The following MAN2A2 variants were observed in gnomAD, a reference collection of about 807,000 sequenced individuals.
MAN2A2 encodes the protein mannosidase alpha class 2A member 2.
In MAN2A2, 79 loss-of-function variants were observed where a neutral mutation model predicts 126.8. The observed-to-expected ratio is 0.62, with a 90% CI of 0.52 to 0.75. MAN2A2 has a LOEUF of 0.75. Among genes scored for constraint, MAN2A2 ranks in the 30% least tolerant of loss-of-function variants. The pLI is 0.00. For synonymous variants in MAN2A2, 671 were observed against 618.7 expected (o/e 1.08, Z -1.25); for missense variants, 1,392 against 1,522.4 (o/e 0.91, Z 1.43).
chr15:90,912,764 T>C (rs2034857869), intron 16 of MAN2A2, 100 bp downstream of exon 16: 3 of 1,582,070 alleles, frequency 1.9e-6, no homozygotes. Flanking sequence ...TTGTCTTTCC[T>C]GTTCAGCCCA....
Position 90,905,707 on chromosome 15 carries a change from C to T in MAN2A2, c.519C>T (p.His173=). 2 of 1,614,072 alleles carry T rather than the reference C, an allele frequency of 1.2e-6. No individual in the cohort carries two copies. Among genetic ancestry groups the T allele is most frequent in the Non-Finnish European group, 1.7e-6 (2 of 1,179,992 alleles). ...ACCTGCAGGTGTTTGTGGTGCCCCA[C>T]TCTCACAATGACCCAGGTGAGGGCC... ...AEDLQVFVVP[H]SHNDPGWIKT... The change falls in exon 4 of 23, where the codon CAC becomes CAT. Residue 173 remains histidine (H), a synonymous_variant. Transcript: ENST00000559717.
Position 90,905,832 on chromosome 15 carries a change from A to G in MAN2A2, c.536-13A>G, listed in dbSNP as rs746772386. On this transcript the variant is annotated splice_polypyrimidine_tract_variant and intron_variant, in intron 4 of 22. Transcript: ENST00000559717. The stretch of plus-strand genomic sequence containing the variant: ...TGGTGGCATCCTCAGGGGACCCTAC[A>G]TTGGCTCCCTAGGCTGGATCAAGAC... 24 of 1,574,250 alleles carry G rather than the reference A, an allele frequency of 1.5e-5. No individual in the cohort carries two copies. In the South Asian group the frequency reaches 2.6e-4, roughly 17 times the overall value.
intron 20 of MAN2A2, chr15:90,916,556 C>G (rs1454672120): frequency 7.2e-6 from 10 of 1,398,026 alleles, no homozygotes; most frequent in Non-Finnish European, 7.6e-6. Flanking sequence ...TCCAACCCCG[C>G]TCATCTCATG....
Position 90,907,304 on chromosome 15 carries a change from T to C in MAN2A2, c.1010-5T>C, listed in dbSNP as rs774130620. 2 of 1,612,638 alleles carry C rather than the reference T, an allele frequency of 1.2e-6. No homozygotes were observed. Among genetic ancestry groups the C allele is most frequent in the South Asian group, 1.1e-5 (1 of 91,076 alleles). ...GGTGGTGACCACGTGGTGTGTCTCC[T>C]GCAGACTCGGACTCCAGCACAGACA... is the stretch of plus-strand genomic sequence containing the variant. On this transcript the variant is annotated splice_polypyrimidine_tract_variant and splice_region_variant and intron_variant, in intron 7 of 22. Transcript: ENST00000559717.
chr15:90,902,714 C>G (rs2033933525), upstream of MAN2A2: 1 of 146,924 alleles, frequency 6.8e-6, no homozygotes, highest in African/African-American at 2.5e-5. Flanking sequence ...GCGGGCGGCG[C>G]GGCTGTCCCC....
intron 2 of MAN2A2, 88 bp downstream of exon 2, chr15:90,904,427 C>T (rs551239277): frequency 3.3e-5 from 47 of 1,419,862 alleles, no homozygotes; most frequent in Non-Finnish European, 4.0e-5. Flanking sequence ...TCCCCTCCCA[C>T]CCCCCGCTGG....
rs1032230848 is a variant in MAN2A2, at chr15:90,910,696, T to G, written c.1760+13T>G. 1.9e-6 allele frequency: 3 copies of G among 1,613,116 alleles called. No individual in the cohort carries two copies. Among genetic ancestry groups the G allele is most frequent in the Non-Finnish European group, 2.5e-6 (3 of 1,179,790 alleles). ...ACTATGGGGTCAGGTGGGAGCCTTC[T>G]CTTTTCCCTTGTAAGCTCCCCTGCT... is the stretch of plus-strand genomic sequence containing the variant. On this transcript the variant is annotated intron_variant, in intron 11 of 22. Transcript: ENST00000559717.
chr15:90,910,548 C>T lies in MAN2A2; in HGVS notation c.1625C>T (p.Ser542Phe), dbSNP rs745508288. 1.9e-6 allele frequency: 3 copies of T among 1,614,136 alleles called. No homozygotes were observed. Among genetic ancestry groups the T allele is most frequent in the South Asian group, 2.2e-5 (2 of 91,088 alleles). The change falls in exon 11 of 23, where the codon TCT (serine) becomes TTT (phenylalanine). Residue 542 changes from serine (S) to phenylalanine (F), a missense_variant. Transcript: ENST00000559717. ...YSLAAAHARR[S>F]GLAGRYPLSD... ...CTGGCTGCAGCTCACGCTCGCCGCTCTGGTCTGGCTGGCCGGTACCCACTG... is the reference window on the plus strand; with the variant it reads ...CTGGCTGCAGCTCACGCTCGCCGCTTTGGTCTGGCTGGCCGGTACCCACTG...
At chr15:90,918,565 G>A in intron 21 of MAN2A2, 80 bp from the exon 22 acceptor site, 1 of 1,246,234 alleles carries the variant, frequency 8.0e-7, no homozygotes. Flanking sequence ...TGCCAGCACT[G>A]CCTCTGGGCA....
chr15:90,912,077 TG>T lies in MAN2A2; in HGVS notation c.2147del (p.Gly716AlafsTer198). 1.2e-6 allele frequency: 2 copies of T among 1,612,878 alleles called. No individual in the cohort carries two copies. Among genetic ancestry groups the T allele is most frequent in the Non-Finnish European group, 1.7e-6 (2 of 1,179,804 alleles). ...SVPVRLPALG[L>X]GVLQLQLGLD... The stretch of plus-strand genomic sequence containing the variant: ...CCTGTCCGCCTGCCAGCCCTGGGCC[TG>T]GGCGTGCTGCAGCTACAGCTGGGCC... On this transcript the variant is annotated frameshift_variant, in exon 15 of 23. Coordinates refer to ENST00000559717, the MANE Select transcript of MAN2A2 (RefSeq NM_006122.4). LOFTEE classifies it high-confidence loss of function.
chr15:90,908,174 C>T (rs2034446693), intron 8 of MAN2A2, among the ~76,000 whole-genome samples: 1 of 152,130 alleles, frequency 6.6e-6, no homozygotes, highest in South Asian at 2.1e-4. Context: ...GCTATGAGGG[C>T]GTGACTTTTC....
intron 20 of MAN2A2, chr15:90,917,980 T>G (rs2035315708): frequency 1.8e-6 from 1 of 568,572 alleles, no homozygotes. Flanking sequence ...AAGAAACAGC[T>G]TAGTGAAGTA....
At position 90,912,287 on chromosome 15, in the gene MAN2A2, G is replaced by A. The variant is rs778928012; in HGVS notation, c.2346+8G>A. On this transcript the variant is annotated splice_region_variant and intron_variant, in intron 15 of 22. Transcript: ENST00000559717. The stretch of plus-strand genomic sequence containing the variant: ...CTTACTGGGCTCCTCAAGGTAAAAG[G>A]CCAGGGTGGTGGGGAAGGGCCAGGG... 8.7e-6 allele frequency: 14 copies of A among 1,613,928 alleles called. No individual in the cohort carries two copies. Among genetic ancestry groups the A allele is most frequent in the South Asian group, 1.1e-5 (1 of 91,094 alleles).
intron 17 of MAN2A2, 48 bp from the exon 18 acceptor site, chr15:90,913,225 G>A (rs745715971): frequency 3.7e-6 from 6 of 1,602,856 alleles, no homozygotes; most frequent in East Asian, 4.5e-5. Flanking sequence ...TCTTAGCTGT[G>A]CTTCAGCCTC....
intron 2 of MAN2A2, 60 bp downstream of exon 2, chr15:90,904,399 A>C (rs898986714): frequency 6.4e-7 from 1 of 1,569,228 alleles, no homozygotes; most frequent in Non-Finnish European, 8.6e-7. Context: ...CAGGGTATGC[A>C]CCTCCCACCC....
Position 90,917,083 on chromosome 15 carries a change from C to T in MAN2A2, c.2994+827C>T, listed in dbSNP as rs115400662. 6.1e-3 allele frequency among the ~76,000 whole-genome samples: 935 copies of T among 152,296 alleles called. 13 individuals carry two copies. The highest frequency in any genetic ancestry group is 0.02 in the African/African-American group (846 of 41,542). On this transcript the variant is annotated intron_variant, in intron 20 of 22. Transcript: ENST00000559717. ...AGTGAGTTCCTTAGTTATGCTGGAG[C>T]TATGCTATCCAGTACGGTGGCCAGT... is the stretch of plus-strand genomic sequence containing the variant.
intron 2 of MAN2A2, 65 bp downstream of exon 2, chr15:90,904,404 C>T: frequency 2.6e-6 from 4 of 1,545,176 alleles, no homozygotes; most frequent in Non-Finnish European, 3.5e-6. Context: ...TATGCACCTC[C>T]CACCCCGCCG....
Position 90,911,506 on chromosome 15 carries a change from G to A in MAN2A2, c.2065G>A (p.Ala689Thr), listed in dbSNP as rs140205654. 112 of 1,613,812 alleles carry A rather than the reference G, an allele frequency of 6.9e-5. No individual in the cohort carries two copies. The highest frequency in any genetic ancestry group is 8.7e-5 in the Non-Finnish European group (103 of 1,179,992). ...TCAGCCCCTGGCCGTGCAGATCAGC[G>A]CACACTGGAGCTCTGCCACCGAGGC... ...EGQPLAVQIS[A>T]HWSSATEAVP... The change falls in exon 14 of 23, where the codon GCA becomes ACA. Residue 689 changes from alanine (A) to threonine (T), a missense_variant. By Grantham distance (58) the Ala-to-Thr change is moderately conservative. Coordinates refer to ENST00000559717, the MANE Select transcript of MAN2A2 (RefSeq NM_006122.4).
chr15:90,910,514 C>T lies in MAN2A2; in HGVS notation c.1591C>T (p.Leu531=). ...LEAHLRGAEV[L]YSLAAAHARR... ...CTCTCTGGGCAGGGGGGCAGAGGTT[C>T]TGTACAGCCTGGCTGCAGCTCACGC... The change falls in exon 11 of 23, where the codon CTG becomes TTG. Residue 531 remains leucine, a synonymous_variant. Coordinates refer to ENST00000559717, the MANE Select transcript of MAN2A2 (RefSeq NM_006122.4). The T allele has an allele frequency of 6.2e-7, 1 of 1,613,998 alleles. No homozygotes were observed. The highest frequency in any genetic ancestry group is 8.5e-7 in the Non-Finnish European group (1 of 1,180,020).
Sources: gnomAD v4.1 joint callset for allele counts (sites outside exome capture counted in the v4.1 genomes callset) on GRCh38, gnomAD v4.1.1 for gene constraint, MANE v1.5 for transcripts, NCBI Gene and HGNC (gene_info 2026-07-23, HGNC 2026-07-21) for gene names.